FILIP1: variants seen among roughly 807,000 people sequenced by gnomAD.
FILIP1 encodes the protein filamin-A-interacting protein 1.
A neutral mutation model predicts 102.1 loss-of-function variants in FILIP1; 61 were observed. That is an observed-to-expected ratio of 0.60 (90% CI 0.49 to 0.74). FILIP1 has a LOEUF of 0.74. FILIP1 is among the 30% of genes least tolerant of loss of function. The probability of loss-of-function intolerance (pLI) is 0.00; values close to 1 mark genes in which losing one functional copy is unlikely to be tolerated. For synonymous variants in FILIP1, 491 were observed against 526.9 expected, an observed-to-expected ratio of 0.93 and a Z score of 0.93; for missense variants, 1,314 against 1,441.2, an observed-to-expected ratio of 0.91 and a Z score of 1.43.
In FILIP1 at chr6:75,352,517, T is replaced by C. The variant is rs1360001896; in HGVS notation, c.629+1022A>G. ...GTGGCAATCCCTGGTCTTAGAAGAC[T>C]AAATGAAAACCTACAAGAATAAACA... On this transcript the variant is annotated intron_variant, in intron 4 of 5. Transcript: ENST00000237172. Among the ~76,000 whole-genome samples, 6 of 152,188 alleles carry C rather than the reference T, an allele frequency of 3.9e-5. No individual in the cohort carries two copies. The South Asian group carries it at 8.3e-4, about 21-fold the overall frequency.
At chr6:75,457,694 A>T (rs967597632) in intron 1 of FILIP1, among the ~76,000 whole-genome samples, 16 of 151,692 alleles carry the variant, frequency 1.1e-4, no homozygotes, top group Admixed American at 3.3e-4. Flanking sequence ...GCCTTCTCAG[A>T]GAGAAATCAG....
chr6:75,473,514 A>G (rs964348774), intron 1 of FILIP1, among the ~76,000 whole-genome samples: 1 of 152,104 alleles, frequency 6.6e-6, no homozygotes, highest in African/African-American at 2.4e-5. Context: ...ATTACTCTCC[A>G]GTGTTTCAAG....
rs147716908 is a variant in FILIP1, at chr6:75,353,625, G to C, written c.543C>G (p.Tyr181Ter). 3.1e-6 allele frequency: 5 copies of C among 1,614,038 alleles called. No homozygotes were observed. In the African/African-American group the frequency reaches 5.3e-5, roughly 17 times the overall value. The change falls in exon 4 of 6, where the codon TAC becomes TAG. Residue 181 changes from tyrosine to a stop codon, truncating the protein, a stop_gained. Coordinates refer to ENST00000237172, the MANE Select transcript of FILIP1 (RefSeq NM_015687.5). LOFTEE classifies it high-confidence loss of function. ...LAEKCHRRTV[Y>*]ELENEKHKHT... The stretch of plus-strand genomic sequence containing the variant: ...GTTTATGCTTCTCGTTCTCTAACTC[G>C]TATACGGTGCGCCTATGACACTTCT...
At chr6:75,357,077 G>T (rs562199839) in intron 3 of FILIP1, 1 of 152,308 alleles carries the variant, frequency 6.6e-6, no homozygotes, top group East Asian at 1.9e-4. Flanking sequence ...CCTCCCAAAG[G>T]AAGGAGAGGT....
intron 4 of FILIP1, chr6:75,319,445 CT>C (rs752652991): frequency 3.3e-6 from 2 of 614,858 alleles, no homozygotes; most frequent in Non-Finnish European, 6.3e-6. Flanking sequence ...TTTCATTTCT[CT>C]TTCATAATGG....
chr6:75,322,676 T>G (rs1773702579), intron 4 of FILIP1, among the ~76,000 whole-genome samples: 1 of 152,234 alleles, frequency 6.6e-6, no homozygotes, highest in Non-Finnish European at 1.5e-5. Context: ...ATTCTTAATT[T>G]CTTATTTCAT....
chr6:75,375,025 AAG>A (rs1775705870), intron 2 of FILIP1, among the ~76,000 whole-genome samples: 1 of 152,192 alleles, frequency 6.6e-6, no homozygotes, highest in African/African-American at 2.4e-5. Flanking sequence ...TTTCCTGGGA[AAG>A]AACTCATCCC....
At chr6:75,360,757 G>A (rs1161244743) in intron 3 of FILIP1, 1 of 152,138 alleles carries the variant, frequency 6.6e-6, no homozygotes, top group Non-Finnish European at 1.5e-5. Context: ...GCCTAATATG[G>A]TATGGAAATA....
At chr6:75,407,278 T>C (rs956503860) in intron 2 of FILIP1, among the ~76,000 whole-genome samples, 3 of 152,058 alleles carry the variant, frequency 2.0e-5, no homozygotes, top group Non-Finnish European at 4.4e-5. Context: ...CAGGCTGGAG[T>C]GCAGTGGCAC....
chr6:75,440,967 T>G (rs1284006535), intron 1 of FILIP1, among the ~76,000 whole-genome samples: 1 of 147,678 alleles, frequency 6.8e-6, no homozygotes, highest in Non-Finnish European at 1.5e-5. Context: ...AAAAAAGGTA[T>G]GACCGAAGAG....
chr6:75,415,014 T>C, intron 1 of FILIP1, 36 bp from the exon 2 acceptor site: 1 of 1,566,562 alleles, frequency 6.4e-7, no homozygotes, highest in African/African-American at 1.4e-5. Flanking sequence ...AAGATGTTCT[T>C]TACCACCATC....
intron 1 of FILIP1, among the ~76,000 whole-genome samples, chr6:75,467,207 T>C (rs1158302015): frequency 1.3e-5 from 2 of 152,204 alleles, no homozygotes; most frequent in Non-Finnish European, 2.9e-5. Flanking sequence ...TTTCTTTTAC[T>C]TTTTTTACTT....
At chr6:75,473,397 G>A (rs1779386084) in intron 1 of FILIP1, among the ~76,000 whole-genome samples, 1 of 152,122 alleles carries the variant, frequency 6.6e-6, no homozygotes, top group African/African-American at 2.4e-5. Context: ...TGATACTGAT[G>A]TATCAATGTT....
intron 1 of FILIP1, among the ~76,000 whole-genome samples, chr6:75,467,650 C>T (rs1376542821): frequency 1.3e-5 from 2 of 152,110 alleles, no homozygotes; most frequent in Non-Finnish European, 2.9e-5. Flanking sequence ...TCTCCTTTTC[C>T]CACTAGAAAT....
intron 4 of FILIP1, among the ~76,000 whole-genome samples, chr6:75,315,700 G>A: frequency 6.6e-6 from 1 of 152,176 alleles, no homozygotes; most frequent in East Asian, 1.9e-4. Context: ...GAGATACAGG[G>A]GAATTATGTA....
Position 75,372,695 on chromosome 6 carries a change from G to T in FILIP1, c.277-9778C>A, listed in dbSNP as rs1333762031. On this transcript the variant is annotated intron_variant, in intron 2 of 5. Transcript: ENST00000237172. ...AAAGAAAGAAAGAAAGAGAAAGAAA[G>T]AGAAAGAAAGAAAGAAAGGAAAGAA... is the stretch of plus-strand genomic sequence containing the variant. 2.5e-3 allele frequency among the ~76,000 whole-genome samples: 72 copies of T among 28,384 alleles called. 6 individuals carry two copies. The highest frequency in any genetic ancestry group is 0.014 in the African/African-American group (66 of 4,876). 18.6% of individuals were successfully genotyped at this position (28,384 alleles called of 152,430 possible).
At chr6:75,370,662 C>T (rs373052250) in intron 2 of FILIP1, among the ~76,000 whole-genome samples, 62 of 150,450 alleles carry the variant, frequency 4.1e-4, no homozygotes, top group African/African-American at 1.4e-3. Context: ...CTGCAACCTC[C>T]ACCTCCCAGG....
In FILIP1 at chr6:75,314,361, C is replaced by T. The variant is rs376668841; in HGVS notation, c.1471G>A (p.Glu491Lys). The change falls in exon 5 of 6, where the codon GAA (glutamate) becomes AAA (lysine). Residue 491 changes from glutamate to lysine, a missense_variant. This residue lies in a region of FILIP1 where 816 missense variants were observed against 913.1 expected (regional missense o/e 0.89). Coordinates refer to ENST00000237172, the MANE Select transcript of FILIP1 (RefSeq NM_015687.5). ...ECSESRLEKA[E>K]LSLKDDLTKL... is the part of the protein sequence containing the mutation. ...GTAAGATCATCTTTTAGGCTTAATTCAGCCTTTTCCAATCTACTTTCAGAA... is the reference window on the plus strand; with the variant it reads ...GTAAGATCATCTTTTAGGCTTAATTTAGCCTTTTCCAATCTACTTTCAGAA... 4 of 1,518,140 alleles carry T rather than the reference C, an allele frequency of 2.6e-6. No homozygotes were observed. The highest frequency in any genetic ancestry group is 3.5e-6 in the Non-Finnish European group (4 of 1,142,142). The allele number at this position is 1,518,140 out of a possible 1,614,324, so 94.0% of individuals were successfully genotyped here. A position where few individuals can be genotyped will look rare whatever the true frequency, so the allele number is the denominator to read the frequency against.
At chr6:75,423,590 G>T (rs1291817307) in intron 1 of FILIP1, among the ~76,000 whole-genome samples, 1 of 152,126 alleles carries the variant, frequency 6.6e-6, no homozygotes, top group Non-Finnish European at 1.5e-5. Context: ...TCGATAAGAT[G>T]CACTGAAAAC....
Sources: allele counts gnomAD v4.1 joint callset (sites outside exome capture counted in the v4.1 genomes callset), GRCh38; gene constraint gnomAD v4.1.1; regional missense constraint gnomAD v4.1.1; transcripts MANE v1.5; gene names NCBI Gene and HGNC (gene_info 2026-07-23, HGNC 2026-07-21).